NDUFS1: variants seen among roughly 807,000 people sequenced by gnomAD.
NDUFS1 encodes NADH-ubiquinone oxidoreductase 75 kDa subunit, mitochondrial.
Under a neutral mutation model 84.4 loss-of-function variants are expected in NDUFS1, and 61 were observed. The observed-to-expected ratio is 0.72, with a 90% CI of 0.59 to 0.89. The LOEUF (loss-of-function observed/expected upper bound fraction) is 0.89. NDUFS1 is among the 40% of genes least tolerant of loss of function. NDUFS1 has a pLI of 0.00. For missense variants in NDUFS1, 891 were observed against 890.0 expected (o/e 1.00, Z -0.01); for synonymous variants, 275 against 290.0 (o/e 0.95, Z 0.53).
Position 206,124,070 on chromosome 2 carries a change from T to C in NDUFS1, c.*115A>G, listed in dbSNP as rs1356363117. ...ATAGGCATAGTATAACCTTAAATAT[T>C]ACATGATTCAAATTATTATTATTTT... is the stretch of plus-strand genomic sequence containing the variant. On this transcript the variant is annotated 3_prime_UTR_variant, in exon 19 of 19. Transcript: ENST00000233190. 1.9e-5 allele frequency: 14 copies of C among 751,524 alleles called. No homozygotes were observed. The highest frequency in any genetic ancestry group is 5.3e-5 in the African/African-American group (3 of 56,622). The allele number at this position is 751,524 out of a possible 1,614,324, so 46.6% of individuals were successfully genotyped here. A position where few individuals can be genotyped will look rare whatever the true frequency, so the allele number is the denominator to read the frequency against.
intron 16 of NDUFS1, among the ~76,000 whole-genome samples, chr2:206,127,096 T>G (rs1691322676): frequency 6.6e-6 from 1 of 152,252 alleles, no homozygotes; most frequent in African/African-American, 2.4e-5. Context: ...TAAATCCAAA[T>G]GTTTTTGCTA....
chr2:206,147,465 C>A, intron 7 of NDUFS1, 66 bp downstream of exon 7: 1 of 1,468,146 alleles, frequency 6.8e-7, no homozygotes, highest in Non-Finnish European at 9.3e-7. Flanking sequence ...TGTTATTATT[C>A]ATCAAATTGT....
intron 1 of NDUFS1, among the ~76,000 whole-genome samples, chr2:206,156,905 C>A (rs1468853102): frequency 2.6e-5 from 4 of 152,312 alleles, no homozygotes; most frequent in Admixed American, 2.0e-4. Context: ...AGGGGCTCAA[C>A]AAATGCCAGT....
Position 206,126,713 on chromosome 2 carries a change from T to C in NDUFS1, c.2016A>G (p.Ser672=), listed in dbSNP as rs1384847995. The C allele has an allele frequency of 3.1e-6, 5 of 1,614,178 alleles. No individual in the cohort carries two copies. Among genetic ancestry groups the C allele is most frequent in the East Asian group, 2.2e-5 (1 of 44,872 alleles). The change falls in exon 17 of 19, where the codon TCA becomes TCG. Residue 672 remains serine, a synonymous_variant. Transcript: ENST00000233190. ...CTGCTCATAGGCGAGCTGTTACCTT[T>C]GAGAGCTCATTTGCTTGCTGGAAGT... ...ANYFQQANEL[S]KLVNQQLLAD...
intron 10 of NDUFS1, among the ~76,000 whole-genome samples, 154 bp downstream of exon 10, chr2:206,143,864 T>C (rs368797581): frequency 4.5e-4 from 68 of 152,330 alleles, no homozygotes; most frequent in African/African-American, 1.6e-3. Context: ...ATATCTAGCA[T>C]ATGTCCTCAG....
At chr2:206,124,381 C>T (rs1194431886) in intron 18 of NDUFS1, 105 bp from the exon 19 acceptor site, 10 of 826,650 alleles carry the variant, frequency 1.2e-5, no homozygotes, top group Admixed American at 2.0e-5. Flanking sequence ...GATTATAAGG[C>T]CCTATGCAAG....
chr2:206,128,037 A>C, intron 15 of NDUFS1, 65 bp from the exon 16 acceptor site: 1 of 1,507,146 alleles, frequency 6.6e-7, no homozygotes, highest in Non-Finnish European at 9.1e-7. Flanking sequence ...CTGTACATGA[A>C]GATAGTATAT....
rs1454097122 is a variant in NDUFS1 at position 206,115,293 on chromosome 2, G to T, written c.*8892C>A. The T allele has an allele frequency of 6.5e-6, 1 of 152,754 alleles. No homozygotes were observed. Among genetic ancestry groups the T allele is most frequent in the African/African-American group, 2.4e-5 (1 of 41,472 alleles). 9.5% of individuals were successfully genotyped at this position (152,754 alleles called of 1,614,324 possible). ...TGGAATGCTATGTTTTGAATGTGTT[G>T]TCTCCACAATTCATGTGTTGGAAAC... On this transcript the variant is annotated 3_prime_UTR_variant, in exon 19 of 19. Transcript: ENST00000233190.
intron 14 of NDUFS1, among the ~76,000 whole-genome samples, chr2:206,131,941 A>AAATAATAAT (rs768129947): frequency 6.6e-6 from 1 of 150,906 alleles, no homozygotes; most frequent in East Asian, 1.9e-4. Context: ...TTCATCTCAA[A>AAATAATAAT]AATAATAATA....
rs1360475232 is a variant in NDUFS1 at position 206,147,548 on chromosome 2, C to G, written c.534G>C (p.Gln178His). ...AAAGTTACCTGATGCAGCGAGTACA[C>G]TGTATACATCTTGTCATGATGGTCT... is the stretch of plus-strand genomic sequence containing the variant. ...LVKTIMTRCI[Q>H]CTRCIRFASE... The change falls in exon 7 of 19, where the codon CAG becomes CAC. Residue 178 changes from glutamine to histidine, a missense_variant. By Grantham distance (24) the Gln-to-His change is conservative (BLOSUM62 0). Transcript: ENST00000233190. The G allele has an allele frequency of 1.2e-6, 2 of 1,614,006 alleles. No homozygotes were observed. Among genetic ancestry groups the G allele is most frequent in the Non-Finnish European group, 1.7e-6 (2 of 1,180,002 alleles).
rs149422808 is a variant in NDUFS1 at position 206,115,655 on chromosome 2, A to G, written c.*8530T>C. 1,197 of 354,402 alleles carry G rather than the reference A, an allele frequency of 3.4e-3. 21 individuals carry two copies. The highest frequency in any genetic ancestry group is 0.024 in the African/African-American group (1,124 of 46,644). The allele number at this position is 354,402 out of a possible 1,614,324, so 22.0% of individuals were successfully genotyped here. Reference sequence around the variant, plus strand: ...AAATGCAGTGTATTGCAAAATTAAGATAGTGTTGTTCTTCATCTGACACTG... The same window carrying G: ...AAATGCAGTGTATTGCAAAATTAAGGTAGTGTTGTTCTTCATCTGACACTG... On this transcript the variant is annotated 3_prime_UTR_variant, in exon 19 of 19. Coordinates refer to ENST00000233190, the MANE Select transcript of NDUFS1 (RefSeq NM_005006.7).
chr2:206,130,121 C>G lies in NDUFS1; in HGVS notation c.1675G>C (p.Asp559His), dbSNP rs1340894413. 6.2e-7 allele frequency: 1 copy of G among 1,613,982 alleles called. No individual in the cohort carries two copies. The highest frequency in any genetic ancestry group is 8.5e-7 in the Non-Finnish European group (1 of 1,180,032). The change falls in exon 15 of 19, where the codon GAT becomes CAT. Residue 559 changes from aspartate to histidine, a missense_variant. Physicochemically the swap from Asp to His is moderately conservative, Grantham distance 81. Coordinates refer to ENST00000233190, the MANE Select transcript of NDUFS1 (RefSeq NM_005006.7). Reference protein sequence around the residue: ...GADGGCITRQDLPKDCFIIYQ... With the variant: ...GADGGCITRQHLPKDCFIIYQ... ...ATAATGAAACAATCCTTTGGCAAAT[C>G]CTGTCGTGTGATACAACCTCCATCT...
At chr2:206,143,984 A>G in intron 10 of NDUFS1, 34 bp downstream of exon 10, 2 of 1,504,466 alleles carry the variant, frequency 1.3e-6, no homozygotes, top group Non-Finnish European at 1.9e-6. Context: ...GATAATCACA[A>G]ACACTATTTA....
Position 206,123,072 on chromosome 2 carries a change from T to C in NDUFS1, c.*1113A>G. 1 of 152,222 alleles carries C rather than the reference T, an allele frequency of 6.6e-6. No individual in the cohort carries two copies. The highest frequency in any genetic ancestry group is 2.1e-4 in the South Asian group (1 of 4,818). 9.4% of individuals were successfully genotyped at this position (152,222 alleles called of 1,614,324 possible). A position where few individuals can be genotyped will look rare whatever the true frequency, so the allele number is the denominator to read the frequency against. On this transcript the variant is annotated 3_prime_UTR_variant, in exon 19 of 19. Coordinates refer to ENST00000233190, the MANE Select transcript of NDUFS1 (RefSeq NM_005006.7). Reference sequence around the variant, plus strand: ...AAAAAATTATCTATTTTTAATTATCTCCTAATTGTAAAATTTTTACTTCCT... The same window carrying C: ...AAAAAATTATCTATTTTTAATTATCCCCTAATTGTAAAATTTTTACTTCCT...
chr2:206,147,711 A>G, intron 6 of NDUFS1, 42 bp downstream of exon 6: 2 of 1,614,020 alleles, frequency 1.2e-6, no homozygotes, highest in Non-Finnish European at 8.5e-7. Flanking sequence ...TAAAATTAAA[A>G]TCTGAGACAA....
At chr2:206,152,851 C>G (rs1692428126) in intron 2 of NDUFS1, among the ~76,000 whole-genome samples, 2 of 151,684 alleles carry the variant, frequency 1.3e-5, no homozygotes, top group African/African-American at 4.8e-5. Flanking sequence ...ATTACAGGAA[C>G]TCACCACCAC....
intron 11 of NDUFS1, 109 bp downstream of exon 11, chr2:206,142,577 T>A: frequency 7.2e-7 from 1 of 1,385,036 alleles, no homozygotes; most frequent in Non-Finnish European, 1.0e-6. Context: ...GGTCTATATA[T>A]GAAAATAAAC....
chr2:206,145,902 A>G (rs1466464526), intron 8 of NDUFS1, among the ~76,000 whole-genome samples: 2 of 152,204 alleles, frequency 1.3e-5, no homozygotes, highest in East Asian at 3.8e-4. Context: ...AGATTTTACC[A>G]GCCTAAGTTT....
In NDUFS1 at chr2:206,142,650, A is replaced by G. The variant is rs1009577844; in HGVS notation, c.1133+36T>C. On this transcript the variant is annotated intron_variant, in intron 11 of 18. Transcript: ENST00000233190. ...ATACATAACTTGTAACTAAAAAAAG[A>G]AAGGAAAGCCTAGATCCTAGCTTCA... The G allele has an allele frequency of 4.3e-6, 7 of 1,612,752 alleles. No individual in the cohort carries two copies. The African/African-American group carries it at 9.4e-5, about 22-fold the overall frequency.
Sources: allele counts gnomAD v4.1 joint callset (sites outside exome capture counted in the v4.1 genomes callset), GRCh38; gene constraint gnomAD v4.1.1; transcripts MANE v1.5; gene names NCBI Gene and HGNC (gene_info 2026-07-23, HGNC 2026-07-21).